Variants in RBFOX1 observed in about 807,000 individuals in gnomAD.
RBFOX1 encodes RNA binding protein fox-1 homolog 1.
A neutral mutation model predicts 57.7 loss-of-function variants in RBFOX1; 8 were observed. That is an observed-to-expected ratio of 0.14 (90% confidence interval 0.08 to 0.25). The LOEUF (loss-of-function observed/expected upper bound fraction) is 0.25, where lower values mean the gene tolerates loss of function less well. Among genes scored for constraint, RBFOX1 ranks in the 10% least tolerant of loss-of-function variants. The pLI is 1.00. For synonymous variants in RBFOX1, 326 were observed against 222.4 expected (o/e 1.47, Z -4.15); for missense variants, 611 against 548.5 (o/e 1.11, Z -1.14).
intron 1 of RBFOX1, among the ~76,000 whole-genome samples, chr16:6,106,487 G>T (rs567879093): frequency 2.2e-5 from 2 of 91,012 alleles, no homozygotes; most frequent in Non-Finnish European, 4.5e-5. Context: ...AAAAAAAAAG[G>T]TAGTTCCATG....
At chr16:6,991,980 C>G (rs147486478) in intron 3 of RBFOX1, among the ~76,000 whole-genome samples, 2 of 152,222 alleles carry the variant, frequency 1.3e-5, no homozygotes, top group Non-Finnish European at 2.9e-5. Flanking sequence ...TAACAGGACT[C>G]CCTGTGTTTC....
intron 2 of RBFOX1, among the ~76,000 whole-genome samples, chr16:6,503,616 G>C (rs928439000): frequency 2.6e-5 from 4 of 152,118 alleles, no homozygotes; most frequent in Admixed American, 2.0e-4. Context: ...GGCTTGCTTA[G>C]GCTTGGTCAG....
intron 3 of RBFOX1, among the ~76,000 whole-genome samples, chr16:6,990,631 A>C (rs976585214): frequency 6.6e-6 from 1 of 152,156 alleles, no homozygotes; most frequent in Non-Finnish European, 1.5e-5. Context: ...CATTGGTGCA[A>C]AAGTAATTGT....
chr16:5,554,666 A>G (rs954026743), intron 2 of RBFOX1, among the ~76,000 whole-genome samples: 1 of 152,184 alleles, frequency 6.6e-6, no homozygotes, highest in African/African-American at 2.4e-5. Context: ...TTTAAGACAA[A>G]TGAATTGGTT....
At chr16:6,953,130 G>T (rs2081099587) in intron 3 of RBFOX1, among the ~76,000 whole-genome samples, 1 of 152,128 alleles carries the variant, frequency 6.6e-6, no homozygotes, top group Non-Finnish European at 1.5e-5. Flanking sequence ...TAGAACTTAG[G>T]TGTATGTATG....
intron 2 of RBFOX1, among the ~76,000 whole-genome samples, chr16:6,345,393 C>T (rs926714000): frequency 2.6e-5 from 4 of 152,204 alleles, no homozygotes; most frequent in African/African-American, 7.2e-5. Flanking sequence ...GCAGATGATA[C>T]AGACATTTCT....
At chr16:6,407,489 TAG>T (rs1317624876) in intron 2 of RBFOX1, among the ~76,000 whole-genome samples, 1 of 151,142 alleles carries the variant, frequency 6.6e-6, no homozygotes, top group Non-Finnish European at 1.5e-5. Context: ...CACATATATA[TAG>T]AGAGAGGCAG....
At chr16:7,200,842 G>A (rs1014626336) in intron 4 of RBFOX1, among the ~76,000 whole-genome samples, 8 of 152,136 alleles carry the variant, frequency 5.3e-5, no homozygotes, top group African/African-American at 7.2e-5. Context: ...CTTTCTCCGC[G>A]CTGTTGTATG....
At chr16:7,342,704 A>G (rs759678159) in intron 4 of RBFOX1, among the ~76,000 whole-genome samples, 5 of 151,920 alleles carry the variant, frequency 3.3e-5, no homozygotes, top group African/African-American at 4.8e-5. Context: ...GGAGAGGGAG[A>G]GATGCCACCA....
chr16:5,604,793 C>G (rs1299638336), downstream of RBFOX1, among the ~76,000 whole-genome samples: 1 of 152,050 alleles, frequency 6.6e-6, no homozygotes, highest in Non-Finnish European at 1.5e-5. Context: ...GGCTCATGGG[C>G]CCCCCGGGAA....
chr16:6,363,669 G>A (rs1467866416), intron 2 of RBFOX1, among the ~76,000 whole-genome samples: 1 of 152,150 alleles, frequency 6.6e-6, no homozygotes, highest in Non-Finnish European at 1.5e-5. Flanking sequence ...AGTTTCCGAA[G>A]ATTAAATAGA....
Position 5,576,579 on chromosome 16 carries a change from C to G in RBFOX1, c.259-22323C>G, listed in dbSNP as rs73517593. Among the ~76,000 whole-genome samples the G allele has an allele frequency of 3.3e-3, 509 of 152,334 alleles. 4 individuals are homozygous for G. The highest frequency in any genetic ancestry group is 0.014 in the Middle Eastern group (4 of 294). Reference sequence around the variant, plus strand: ...ATCCTGCCCCTTTCCCCCGTAGACCCTAATGAGGTTTTGCATTAACGGGAA... The same window carrying G: ...ATCCTGCCCCTTTCCCCCGTAGACCGTAATGAGGTTTTGCATTAACGGGAA... On this transcript the variant is annotated intron_variant, in intron 2 of 2. Coordinates refer to the RBFOX1 transcript ENST00000585867.
intron 3 of RBFOX1, among the ~76,000 whole-genome samples, chr16:6,886,907 T>G (rs12446517): frequency 0.35 from 53,945 of 151,990 alleles, 9,878 homozygotes; most frequent in East Asian, 0.6. Flanking sequence ...ACTTAGCCAA[T>G]GAGGTCAGGT....
rs372741308 is a variant in RBFOX1, at chr16:7,635,917, T to A, written c.757+5234T>A. Among the ~76,000 whole-genome samples, 5 of 152,278 alleles carry A rather than the reference T, an allele frequency of 3.3e-5. No individual in the cohort carries two copies. In the East Asian group the frequency reaches 9.7e-4, roughly 29 times the overall value. On this transcript the variant is annotated intron_variant, in intron 11 of 15. Coordinates refer to ENST00000550418, the MANE Select transcript of RBFOX1 (RefSeq NM_018723.4). The stretch of plus-strand genomic sequence containing the variant: ...ACTCCACCTCCTGGGTTCACACCAT[T>A]CTCCTGTCTCAGCCTCCCAAGTAGC...
chr16:7,662,772 G>A (rs150549309), intron 12 of RBFOX1, among the ~76,000 whole-genome samples: 50 of 152,316 alleles, frequency 3.3e-4, no homozygotes, highest in Admixed American at 3.3e-3. Context: ...TAAGCATGAT[G>A]CCACCCATCC....
intron 4 of RBFOX1, among the ~76,000 whole-genome samples, chr16:7,281,183 A>G (rs2095536619): frequency 6.6e-6 from 1 of 151,710 alleles, no homozygotes; most frequent in Non-Finnish European, 1.5e-5. Flanking sequence ...TTATATTTTT[A>G]GTAGAGATGG....
intron 3 of RBFOX1, among the ~76,000 whole-genome samples, chr16:6,798,694 G>T (rs939675829): frequency 6.6e-6 from 1 of 152,096 alleles, no homozygotes; most frequent in Non-Finnish European, 1.5e-5. Flanking sequence ...TAATTAAGTT[G>T]TTTATATGAA....
chr16:6,483,912 G>C lies in RBFOX1; in HGVS notation c.-64+166855G>C, dbSNP rs1267800257. 2.5e-5 allele frequency: 28 copies of C among 1,102,266 alleles called. No individual in the cohort carries two copies. The East Asian group carries it at 1.4e-3, about 54-fold the overall frequency. 68.3% of individuals were successfully genotyped at this position (1,102,266 alleles called of 1,614,324 possible). A position where few individuals can be genotyped will look rare whatever the true frequency, so the allele number is the denominator to read the frequency against. ...TGCGTTTGCAGCGCGTGAATGGGAC[G>C]CGGTATGTAAGCCGAGCTCCAGCTC... On this transcript the variant is annotated intron_variant, in intron 2 of 15. Transcript: ENST00000550418.
chr16:7,311,539 C>G (rs1222433491), intron 4 of RBFOX1, among the ~76,000 whole-genome samples: 1 of 130,842 alleles, frequency 7.6e-6, no homozygotes, highest in Admixed American at 8.8e-5. Flanking sequence ...TGACTAGATT[C>G]CCCTTATCAA....
Sources: allele counts gnomAD v4.1 joint callset (sites outside exome capture counted in the v4.1 genomes callset), GRCh38; gene constraint gnomAD v4.1.1; transcripts MANE v1.5; gene names NCBI Gene and HGNC (gene_info 2026-07-23, HGNC 2026-07-21).